NEBL: variants seen among roughly 807,000 people sequenced by gnomAD.
NEBL encodes nebulette.
A neutral mutation model predicts 140.2 loss-of-function variants in NEBL; 122 were observed. The observed-to-expected ratio is 0.87, with a 90% CI of 0.75 to 1.01. The LOEUF is 1.01. Ranked by LOEUF, NEBL falls within the 50% of genes least tolerant of loss-of-function variation. The probability of loss-of-function intolerance (pLI) is 0.00; values close to 1 mark genes in which losing one functional copy is unlikely to be tolerated. For synonymous variants in NEBL, 436 were observed against 398.9 expected, an observed-to-expected ratio of 1.09 and a Z score of -1.11; for missense variants, 1,365 against 1,231.3, an observed-to-expected ratio of 1.11 and a Z score of -1.62.
chr10:20,996,795 A>G (rs774260655), intron 3 of NEBL, among the ~76,000 whole-genome samples: 5 of 152,186 alleles, frequency 3.3e-5, no homozygotes, highest in Non-Finnish European at 5.9e-5. Flanking sequence ...ATCAAGACTA[A>G]TGGTAAATCT....
At chr10:21,145,925 G>T (rs1436234871) in intron 2 of NEBL, among the ~76,000 whole-genome samples, 1 of 152,120 alleles carries the variant, frequency 6.6e-6, no homozygotes, top group Non-Finnish European at 1.5e-5. Context: ...CGCAGCTCGG[G>T]CCCATTGGGC....
intron 1 of NEBL, among the ~76,000 whole-genome samples, chr10:21,268,297 C>T (rs1214001073): frequency 6.6e-6 from 1 of 151,988 alleles, no homozygotes; most frequent in South Asian, 2.1e-4. Flanking sequence ...AGCAAGACCC[C>T]TGTCTCTTCG....
chr10:20,809,691 C>T, intron 25 of NEBL, 115 bp downstream of exon 25: 1 of 904,146 alleles, frequency 1.1e-6, no homozygotes. Flanking sequence ...TTTGGTTTGC[C>T]AAATTCTCAG....
chr10:20,872,577 G>A (rs1174573719), intron 5 of NEBL, among the ~76,000 whole-genome samples: 1 of 152,160 alleles, frequency 6.6e-6, no homozygotes, highest in Non-Finnish European at 1.5e-5. Context: ...GAAGGGAATG[G>A]GTAAAATGAG....
At chr10:21,060,781 A>G (rs1005724594) in intron 2 of NEBL, among the ~76,000 whole-genome samples, 1 of 152,088 alleles carries the variant, frequency 6.6e-6, no homozygotes, top group African/African-American at 2.4e-5. Context: ...ACTCACTCCA[A>G]GGGTGATCAC....
intron 2 of NEBL, chr10:21,110,702 G>C: frequency 2.0e-6 from 1 of 492,616 alleles, no homozygotes; most frequent in East Asian, 5.0e-5. Context: ...CAGTGGACAT[G>C]GACATGAGCC....
At chr10:21,179,589 C>T (rs1305782054), upstream of NEBL, among the ~76,000 whole-genome samples, 1 of 152,104 alleles carries the variant, frequency 6.6e-6, no homozygotes, top group Non-Finnish European at 1.5e-5. Context: ...GCTCTGCGAT[C>T]ATTAAAGTTT....
At chr10:21,061,391 A>G (rs1285087930) in intron 2 of NEBL, among the ~76,000 whole-genome samples, 1 of 147,668 alleles carries the variant, frequency 6.8e-6, no homozygotes, top group Non-Finnish European at 1.5e-5. Context: ...ATCATATATC[A>G]TATATTACAT....
At chr10:21,127,592 A>G (rs1212641528) in intron 2 of NEBL, among the ~76,000 whole-genome samples, 1 of 152,192 alleles carries the variant, frequency 6.6e-6, no homozygotes, top group African/African-American at 2.4e-5. Flanking sequence ...TTGAGCCAGA[A>G]TATTATCAGG....
At chr10:20,930,908 C>A (rs1312795984) in intron 4 of NEBL, among the ~76,000 whole-genome samples, 1 of 152,166 alleles carries the variant, frequency 6.6e-6, no homozygotes, top group African/African-American at 2.4e-5. Context: ...GAACATCTAA[C>A]CAATCGACAT....
intron 2 of NEBL, among the ~76,000 whole-genome samples, chr10:21,023,886 G>A (rs968890462): frequency 1.1e-4 from 17 of 151,974 alleles, no homozygotes; most frequent in Non-Finnish European, 2.1e-4. Flanking sequence ...AACTTCACTT[G>A]CTGCCCATAC....
intron 2 of NEBL, among the ~76,000 whole-genome samples, chr10:21,128,246 A>C (rs940358687): frequency 2.6e-5 from 4 of 152,220 alleles, no homozygotes; most frequent in Admixed American, 1.3e-4. Flanking sequence ...TTTGAAGACC[A>C]TAGACATTTT....
chr10:21,162,209 C>T (rs975736740), intron 2 of NEBL, among the ~76,000 whole-genome samples: 7 of 152,192 alleles, frequency 4.6e-5, no homozygotes, highest in African/African-American at 1.4e-4. Context: ...CAGGGAAGCC[C>T]CATATCCAGG....
intron 4 of NEBL, among the ~76,000 whole-genome samples, chr10:20,946,022 G>A (rs1283046698): frequency 6.6e-6 from 1 of 152,188 alleles, no homozygotes; most frequent in Non-Finnish European, 1.5e-5. Flanking sequence ...ATGAAAGATG[G>A]CCCGACACAC....
intron 2 of NEBL, chr10:21,029,741 A>G: frequency 2.5e-6 from 2 of 786,344 alleles, no homozygotes; most frequent in Non-Finnish European, 4.5e-6. Flanking sequence ...CCATGCCGGG[A>G]TATGGATCGA....
At chr10:20,989,818 G>A (rs562245524) in intron 3 of NEBL, among the ~76,000 whole-genome samples, 15 of 152,226 alleles carry the variant, frequency 9.9e-5, no homozygotes, top group South Asian at 2.1e-4. Context: ...TTACCCTGAC[G>A]TCTGCAGAGG....
At chr10:20,847,912 C>T (rs534322430) in intron 11 of NEBL, among the ~76,000 whole-genome samples, 2 of 152,210 alleles carry the variant, frequency 1.3e-5, no homozygotes, top group African/African-American at 2.4e-5. Context: ...TTTATTTTCA[C>T]GTTGAAAATC....
intron 2 of NEBL, among the ~76,000 whole-genome samples, chr10:21,055,766 G>A (rs1038688385): frequency 3.3e-5 from 5 of 152,148 alleles, no homozygotes; most frequent in African/African-American, 7.2e-5. Context: ...AGCCTGTAGC[G>A]CAGATAATCC....
chr10:21,209,721 T>C (rs1055129302), intron 3 of NEBL, among the ~76,000 whole-genome samples: 3 of 150,878 alleles, frequency 2.0e-5, no homozygotes, highest in Non-Finnish European at 4.4e-5. Context: ...AGGAGCCATC[T>C]TGAGATCACG....
Sources: gnomAD v4.1 joint callset for allele counts (sites outside exome capture counted in the v4.1 genomes callset) on GRCh38, gnomAD v4.1.1 for gene constraint, MANE v1.5 for transcripts, NCBI Gene and HGNC (gene_info 2026-07-23, HGNC 2026-07-21) for gene names.